Variants in NCAM1 observed in about 807,000 individuals in gnomAD.
The protein encoded by NCAM1 is neural cell adhesion molecule 1.
Under a neutral mutation model 109.8 loss-of-function variants are expected in NCAM1, and 14 were observed. The ratio of observed to expected loss-of-function variants is 0.13; its 90% confidence interval spans 0.08 to 0.20. The LOEUF is 0.20. Ranked by LOEUF, NCAM1 falls within the 10% of genes least tolerant of loss-of-function variation. The probability of loss-of-function intolerance (pLI) is 1.00; values close to 1 mark genes in which losing one functional copy is unlikely to be tolerated. For missense variants in NCAM1, 774 were observed against 1,109.9 expected (o/e 0.70, Z 4.30); for synonymous variants, 418 against 442.9 (o/e 0.94, Z 0.70).
At chr11:112,977,640 G>T (rs1223965622) in intron 1 of NCAM1, among the ~76,000 whole-genome samples, 2 of 151,790 alleles carry the variant, frequency 1.3e-5, no homozygotes, top group Non-Finnish European at 2.9e-5. Context: ...GATACAAAAG[G>T]TTTAAAAATC....
chr11:112,965,448 G>C (rs1226730273), intron 1 of NCAM1, among the ~76,000 whole-genome samples: 2 of 152,066 alleles, frequency 1.3e-5, no homozygotes, highest in Non-Finnish European at 2.9e-5. Flanking sequence ...TAATTTAATG[G>C]AAGTAACCTA....
intron 1 of NCAM1, among the ~76,000 whole-genome samples, chr11:113,080,061 G>C (rs964191520): frequency 2.0e-5 from 3 of 152,280 alleles, no homozygotes; most frequent in East Asian, 1.9e-4. Context: ...ACAGAGAACC[G>C]TCTGAGATAT....
chr11:113,037,626 A>G (rs1952935857), intron 1 of NCAM1, among the ~76,000 whole-genome samples: 1 of 152,132 alleles, frequency 6.6e-6, no homozygotes, highest in South Asian at 2.1e-4. Context: ...TTCTTGTCTA[A>G]TGCACCCAGA....
chr11:113,140,350 C>T (rs1313732555), intron 1 of NCAM1, among the ~76,000 whole-genome samples: 2 of 152,146 alleles, frequency 1.3e-5, no homozygotes, highest in East Asian at 3.8e-4. Context: ...CATGGATGGG[C>T]TCAAATAGGT....
At chr11:113,224,441 G>A (rs1450592100) in intron 9 of NCAM1, among the ~76,000 whole-genome samples, 1 of 152,228 alleles carries the variant, frequency 6.6e-6, no homozygotes, top group Non-Finnish European at 1.5e-5. Flanking sequence ...CAGGAAGCTC[G>A]AACTGGGTGG....
intron 3 of NCAM1, 126 bp from the exon 4 acceptor site, chr11:113,205,397 C>A: frequency 7.9e-7 from 1 of 1,272,672 alleles, no homozygotes; most frequent in Non-Finnish European, 1.0e-6. Flanking sequence ...GGGTGCCCCT[C>A]TTATACAACT....
At chr11:112,976,820 C>T (rs764665620) in intron 1 of NCAM1, among the ~76,000 whole-genome samples, 7 of 151,794 alleles carry the variant, frequency 4.6e-5, no homozygotes, top group Non-Finnish European at 8.8e-5. Context: ...AACATTTTAT[C>T]TTAAAACTAT....
At chr11:112,975,469 T>G (rs1484967618) in intron 1 of NCAM1, among the ~76,000 whole-genome samples, 1 of 152,084 alleles carries the variant, frequency 6.6e-6, no homozygotes, top group Non-Finnish European at 1.5e-5. Flanking sequence ...TTGTAATATT[T>G]ATGCCTGTGG....
At chr11:113,012,233 G>A (rs544794140) in intron 1 of NCAM1, among the ~76,000 whole-genome samples, 50 of 152,172 alleles carry the variant, frequency 3.3e-4, no homozygotes, top group African/African-American at 1.1e-3. Flanking sequence ...TGGCCAGGCT[G>A]GTCTTGAACT....
chr11:113,031,777 A>G (rs1555078385), intron 1 of NCAM1, among the ~76,000 whole-genome samples: 1 of 152,218 alleles, frequency 6.6e-6, no homozygotes, highest in Non-Finnish European at 1.5e-5. Flanking sequence ...CGCCTGTTCA[A>G]CAGCAGCTGG....
At chr11:113,198,744 A>G (rs1943935249) in intron 1 of NCAM1, among the ~76,000 whole-genome samples, 1 of 152,210 alleles carries the variant, frequency 6.6e-6, no homozygotes, top group African/African-American at 2.4e-5. Flanking sequence ...GGAGATGGAC[A>G]GAAGGTTATA....
chr11:113,240,877 C>T (rs1371958163), intron 14 of NCAM1: 18 of 1,570,164 alleles, frequency 1.1e-5, no homozygotes, highest in Non-Finnish European at 1.5e-5. Flanking sequence ...GGTCACTTTC[C>T]ACCAGCCACA....
chr11:113,248,577 T>C (rs2137478081), intron 15 of NCAM1, among the ~76,000 whole-genome samples: 1 of 152,294 alleles, frequency 6.6e-6, no homozygotes, highest in South Asian at 2.1e-4. Context: ...AGCTTTCTGC[T>C]GTCAGTGGGT....
In NCAM1 at chr11:113,202,548, G is replaced by A. The variant is rs975094581; in HGVS notation, c.127+95G>A. The A allele has an allele frequency of 2.8e-6, 3 of 1,083,824 alleles. No individual in the cohort carries two copies. In the East Asian group the frequency reaches 7.8e-5, roughly 28 times the overall value. 67.1% of individuals were successfully genotyped at this position (1,083,824 alleles called of 1,614,324 possible). ...CAGGCCATGTGAGCTGGCTGGTCAAGCCACACCTAGAATTCTTGGCATTGC... is the reference window on the plus strand; with the variant it reads ...CAGGCCATGTGAGCTGGCTGGTCAAACCACACCTAGAATTCTTGGCATTGC... On this transcript the variant is annotated intron_variant, in intron 2 of 19. Transcript: ENST00000316851.
chr11:113,026,413 C>CA (rs1218280022), intron 1 of NCAM1, among the ~76,000 whole-genome samples: 25 of 152,286 alleles, frequency 1.6e-4, no homozygotes, highest in Admixed American at 9.2e-4. Flanking sequence ...CTGTCATACA[C>CA]AGAGAGGTGC....
chr11:113,163,786 C>T (rs897639556), intron 1 of NCAM1, among the ~76,000 whole-genome samples: 3 of 152,144 alleles, frequency 2.0e-5, no homozygotes, highest in South Asian at 2.1e-4. Context: ...GCCCTGAAGA[C>T]GTAAGTGTCC....
At chr11:113,043,842 C>G (rs1207858587) in intron 1 of NCAM1, among the ~76,000 whole-genome samples, 1 of 152,188 alleles carries the variant, frequency 6.6e-6, no homozygotes, top group African/African-American at 2.4e-5. Flanking sequence ...CTGACACAGC[C>G]TCCAGGGCCA....
At chr11:113,086,024 G>A (rs1435418344) in intron 1 of NCAM1, among the ~76,000 whole-genome samples, 1 of 152,206 alleles carries the variant, frequency 6.6e-6, no homozygotes, top group Non-Finnish European at 1.5e-5. Flanking sequence ...TAGCAGTAAT[G>A]CTATACCTTG....
At chr11:113,180,534 C>A (rs1372471065) in intron 1 of NCAM1, among the ~76,000 whole-genome samples, 3 of 152,198 alleles carry the variant, frequency 2.0e-5, no homozygotes, top group African/African-American at 7.2e-5. Context: ...ATGTAGGAGC[C>A]CCTATCCCTG....
Sources: allele counts gnomAD v4.1 joint callset (sites outside exome capture counted in the v4.1 genomes callset), GRCh38; gene constraint gnomAD v4.1.1; transcripts MANE v1.5; gene names NCBI Gene and HGNC (gene_info 2026-07-23, HGNC 2026-07-21).